Variants in VAT1L observed in about 807,000 individuals in gnomAD.
VAT1L encodes the protein putative NADPH-dependent quinone oxidoreductase VAT1L.
A neutral mutation model predicts 44.1 loss-of-function variants in VAT1L; 34 were observed. That is an observed-to-expected ratio of 0.77 (90% CI 0.59 to 1.03). VAT1L has a LOEUF of 1.03. VAT1L is among the 50% of genes least tolerant of loss of function. VAT1L has a pLI of 0.00. For missense variants in VAT1L, 615 were observed against 538.8 expected, an observed-to-expected ratio of 1.14 and a Z score of -1.40; for synonymous variants, 253 against 202.2, an observed-to-expected ratio of 1.25 and a Z score of -2.13.
intron 7 of VAT1L, among the ~76,000 whole-genome samples, chr16:77,942,332 G>A (rs1408308729): frequency 2.0e-5 from 3 of 152,060 alleles, no homozygotes; most frequent in African/African-American, 7.2e-5. Context: ...CCATGATTTA[G>A]TTACCTCCCC....
At position 77,937,634 on chromosome 16, in the gene VAT1L, G is replaced by A. The variant is rs115675710; in HGVS notation, c.1078-34216G>A. Among the ~76,000 whole-genome samples the A allele has an allele frequency of 1.7e-3, 255 of 152,360 alleles. 1 individual carries two copies. Among genetic ancestry groups the A allele is most frequent in the African/African-American group, 5.8e-3 (242 of 41,596 alleles). ...GAACTTAAAGTGGTGATGCTTGTCTGAAATGACGGTGCTCCTGCTCTGTTA... is the reference window on the plus strand; with the variant it reads ...GAACTTAAAGTGGTGATGCTTGTCTAAAATGACGGTGCTCCTGCTCTGTTA... On this transcript the variant is annotated intron_variant, in intron 7 of 8. Transcript: ENST00000302536.
intron 7 of VAT1L, among the ~76,000 whole-genome samples, chr16:77,889,689 A>G (rs769712404): frequency 6.6e-6 from 1 of 152,272 alleles, no homozygotes; most frequent in Non-Finnish European, 1.5e-5. Context: ...AATGTCTGAG[A>G]CAAAAATAAA....
At chr16:77,845,303 A>C (rs925170404) in intron 3 of VAT1L, among the ~76,000 whole-genome samples, 2 of 152,172 alleles carry the variant, frequency 1.3e-5, no homozygotes, top group Non-Finnish European at 2.9e-5. Context: ...CCACAGGCGC[A>C]TCCCTCAGCA....
chr16:77,804,939 A>G, intron 1 of VAT1L, among the ~76,000 whole-genome samples: 1 of 152,176 alleles, frequency 6.6e-6, no homozygotes, highest in East Asian at 1.9e-4. Context: ...ATAAAATCAG[A>G]TGGGTCGGAA....
At chr16:77,940,589 C>T (rs2017870182) in intron 7 of VAT1L, among the ~76,000 whole-genome samples, 1 of 152,130 alleles carries the variant, frequency 6.6e-6, no homozygotes, top group Admixed American at 6.6e-5. Flanking sequence ...GTGATCCGCC[C>T]GCCTCAGCCT....
At chr16:77,796,981 G>A (rs1323146074) in intron 1 of VAT1L, among the ~76,000 whole-genome samples, 1 of 152,176 alleles carries the variant, frequency 6.6e-6, no homozygotes, top group Non-Finnish European at 1.5e-5. Flanking sequence ...AAGGTGTGAG[G>A]GTGGGAGGAA....
At chr16:77,971,964 T>A (rs1465484512) in intron 8 of VAT1L, 31 bp downstream of exon 8, 6 of 1,600,972 alleles carry the variant, frequency 3.7e-6, no homozygotes, top group Non-Finnish European at 5.1e-6. Context: ...TCTGTTCAGT[T>A]CCACGCGAGA....
intron 7 of VAT1L, among the ~76,000 whole-genome samples, chr16:77,903,468 T>C (rs4888694): frequency 1.3e-5 from 2 of 152,064 alleles, no homozygotes; most frequent in African/African-American, 2.4e-5. Flanking sequence ...ACACCTATAA[T>C]AGATACTAAA....
At position 77,876,581 on chromosome 16, in the gene VAT1L, T is replaced by A. The variant is rs560960242; in HGVS notation, c.826+108T>A. ...GTGCTGATATGTTGGGGTAGTGGGA[T>A]GGGGGTGTTTCATTTTTTAATGTTT... On this transcript the variant is annotated intron_variant, in intron 5 of 8. Transcript: ENST00000302536. The A allele has an allele frequency of 2.9e-4, 267 of 908,880 alleles. 4 individuals are homozygous for A. In the East Asian group the frequency reaches 6.4e-3, roughly 22 times the overall value. The allele number at this position is 908,880 out of a possible 1,614,324, so 56.3% of individuals were successfully genotyped here.
At chr16:77,867,011 C>T (rs1245087952) in intron 4 of VAT1L, among the ~76,000 whole-genome samples, 3 of 152,148 alleles carry the variant, frequency 2.0e-5, no homozygotes, top group Non-Finnish European at 4.4e-5. Flanking sequence ...CAGAACAGGG[C>T]AGATAATAAT....
intron 1 of VAT1L, among the ~76,000 whole-genome samples, chr16:77,793,792 C>A (rs369421295): frequency 6.6e-6 from 1 of 152,134 alleles, no homozygotes; most frequent in Non-Finnish European, 1.5e-5. Context: ...GGGCAGGCCA[C>A]ATCAGAAGAA....
intron 1 of VAT1L, among the ~76,000 whole-genome samples, chr16:77,790,656 T>C (rs573921870): frequency 3.2e-4 from 48 of 152,350 alleles, no homozygotes; most frequent in African/African-American, 1.2e-3. Flanking sequence ...TATACAATTA[T>C]ATATACAGTT....
chr16:77,830,776 C>T lies in VAT1L; in HGVS notation c.579+5315C>T, dbSNP rs556786597. On this transcript the variant is annotated intron_variant, in intron 3 of 8. Coordinates refer to ENST00000302536, the MANE Select transcript of VAT1L (RefSeq NM_020927.3). ...TCAGCTCACTGCAGCCTCTGCCTCC[C>T]GGGTTAAAGGGATTCTCACGCCTCA... Among the ~76,000 whole-genome samples, 6 of 152,262 alleles carry T rather than the reference C, an allele frequency of 3.9e-5. No homozygotes were observed. The East Asian group carries it at 7.7e-4, about 20-fold the overall frequency.
chr16:77,830,094 C>G (rs2016563264), intron 3 of VAT1L, among the ~76,000 whole-genome samples: 1 of 152,122 alleles, frequency 6.6e-6, no homozygotes, highest in Non-Finnish European at 1.5e-5. Flanking sequence ...TTTTCAGAAA[C>G]TGTCTCAGGG....
At chr16:77,965,032 C>T (rs369805043) in intron 7 of VAT1L, among the ~76,000 whole-genome samples, 1 of 151,992 alleles carries the variant, frequency 6.6e-6, no homozygotes, top group South Asian at 2.1e-4. Context: ...TCAGGTGATT[C>T]GCCCGCCTGG....
At chr16:77,849,108 G>A (rs1292852626) in intron 3 of VAT1L, among the ~76,000 whole-genome samples, 2 of 152,120 alleles carry the variant, frequency 1.3e-5, no homozygotes, top group Non-Finnish European at 2.9e-5. Flanking sequence ...GTTGATGGGT[G>A]CAGCAAACCA....
intron 7 of VAT1L, among the ~76,000 whole-genome samples, chr16:77,893,963 C>CA (rs1440836628): frequency 6.6e-6 from 1 of 152,152 alleles, no homozygotes; most frequent in Non-Finnish European, 1.5e-5. Flanking sequence ...CTCATGATTA[C>CA]CCCTAGTGGT....
chr16:77,835,305 G>A (rs191609263), intron 3 of VAT1L, among the ~76,000 whole-genome samples: 1 of 152,202 alleles, frequency 6.6e-6, no homozygotes. Flanking sequence ...AGCAGTCTTT[G>A]GGGTTCTTTC....
intron 7 of VAT1L, among the ~76,000 whole-genome samples, chr16:77,923,376 G>A (rs2017633041): frequency 6.6e-6 from 1 of 152,168 alleles, no homozygotes; most frequent in Non-Finnish European, 1.5e-5. Context: ...CTTGAACCCT[G>A]GAGGCAGAGG....
Sources: gnomAD v4.1 joint callset for allele counts (sites outside exome capture counted in the v4.1 genomes callset) on GRCh38, gnomAD v4.1.1 for gene constraint, MANE v1.5 for transcripts, NCBI Gene and HGNC (gene_info 2026-07-23, HGNC 2026-07-21) for gene names.